The following CPE variants were observed in gnomAD, a reference collection of about 807,000 sequenced individuals.
CPE encodes the protein carboxypeptidase E, also known as carbocypeptidase E.
In CPE, 17 loss-of-function variants were observed where a neutral mutation model predicts 53.5. That is an observed-to-expected ratio of 0.32 (90% CI 0.22 to 0.48). The LOEUF is 0.48. CPE is among the 20% of genes least tolerant of loss of function. The pLI is 0.99. For missense variants in CPE, 524 were observed against 614.7 expected, an observed-to-expected ratio of 0.85 and a Z score of 1.56; for synonymous variants, 226 against 228.8, an observed-to-expected ratio of 0.99 and a Z score of 0.11.
chr4:165,462,265 G>A (rs1479215689), intron 1 of CPE, among the ~76,000 whole-genome samples: 1 of 152,186 alleles, frequency 6.6e-6, no homozygotes, highest in African/African-American at 2.4e-5. Flanking sequence ...AATATACTGT[G>A]CTAGCTAAAC....
chr4:165,438,419 G>C (rs1157677947), intron 1 of CPE, among the ~76,000 whole-genome samples: 1 of 152,162 alleles, frequency 6.6e-6, no homozygotes, highest in Non-Finnish European at 1.5e-5. Context: ...TGAGGAAAGA[G>C]TAGGGGAAAC....
intron 1 of CPE, chr4:165,414,948 T>C (rs1414628384): frequency 3.3e-5 from 5 of 152,020 alleles, no homozygotes; most frequent in African/African-American, 2.4e-5. Context: ...AAAAACAAAA[T>C]ATAATTAGCA....
chr4:165,423,450 G>T (rs2126674949), intron 1 of CPE, among the ~76,000 whole-genome samples: 1 of 151,788 alleles, frequency 6.6e-6, no homozygotes, highest in South Asian at 2.1e-4. Context: ...ATGGTTATTA[G>T]AGAATGTGAT....
rs11415472 is a variant in CPE at position 165,442,023 on chromosome 4, G to GTTTTTTTTTTTTTTT, written c.308-22355_308-22354insTTTTTTTTTTTTTTT. 3.6e-4 allele frequency among the ~76,000 whole-genome samples: 39 copies of GTTTTTTTTTTTTTTT among 107,372 alleles called. 1 individual carries two copies. The highest frequency in any genetic ancestry group is 5.8e-4 in the East Asian group (2 of 3,438). The allele number at this position is 107,372 out of a possible 152,430, so 70.4% of individuals were successfully genotyped here. On this transcript the variant is annotated intron_variant, in intron 1 of 8. Transcript: ENST00000402744. ...CTTCCTACAGCAAGACGGTGAGTTT[G>GTTTTTTTTTTTTTTT]TTTTTTTTTTTTGTTTTTTTTTTGT...
At chr4:165,470,988 A>C (rs1732196039) in intron 3 of CPE, among the ~76,000 whole-genome samples, 1 of 152,126 alleles carries the variant, frequency 6.6e-6, no homozygotes, top group Non-Finnish European at 1.5e-5. Context: ...GTGACTCTTG[A>C]ATACTGACAT....
At chr4:165,394,456 G>A (rs981968522) in intron 1 of CPE, among the ~76,000 whole-genome samples, 5 of 152,114 alleles carry the variant, frequency 3.3e-5, no homozygotes, top group Admixed American at 2.0e-4. Context: ...TGGGCCTCTG[G>A]GAAGGGTGTT....
At chr4:165,396,670 C>CAAAA (rs55987493) in intron 1 of CPE, among the ~76,000 whole-genome samples, 35 of 133,698 alleles carry the variant, frequency 2.6e-4, no homozygotes, top group African/African-American at 9.5e-4. Flanking sequence ...GATTCTGTCT[C>CAAAA]AAAAAAAAAA....
chr4:165,480,371 C>G (rs1027516499), intron 3 of CPE, among the ~76,000 whole-genome samples: 1 of 152,182 alleles, frequency 6.6e-6, no homozygotes, highest in Non-Finnish European at 1.5e-5. Context: ...CATTCAATTT[C>G]TAGGGATTTC....
In CPE at chr4:165,386,632, C is replaced by T. The variant is rs148785011; in HGVS notation, c.307+7104C>T. 7.0e-3 allele frequency among the ~76,000 whole-genome samples: 1,068 copies of T among 152,274 alleles called. 29 individuals carry two copies. The South Asian group carries it at 0.079, about 11-fold the overall frequency. The stretch of plus-strand genomic sequence containing the variant: ...TGTCTTTTCAAGTTTCAGTGCTGAA[C>T]TTGCTGTGTTTGTTGTCTCATATAA... On this transcript the variant is annotated intron_variant, in intron 1 of 8. Coordinates refer to ENST00000402744, the MANE Select transcript of CPE (RefSeq NM_001873.4).
Position 165,379,202 on chromosome 4 carries a change from G to T in CPE, c.-20G>T, listed in dbSNP as rs1446420218. 2.5e-6 allele frequency: 3 copies of T among 1,222,738 alleles called. No homozygotes were observed. Among genetic ancestry groups the T allele is most frequent in the African/African-American group, 3.1e-5 (2 of 63,682 alleles). The allele number at this position is 1,222,738 out of a possible 1,614,324, so 75.7% of individuals were successfully genotyped here. A position where few individuals can be genotyped will look rare whatever the true frequency, so the allele number is the denominator to read the frequency against. ...GCCGCCCGCGTAGGAAGGCACGGCC[G>T]GCGGCGGCGGAGCGCAGCGATGGCC... On this transcript the variant is annotated 5_prime_UTR_variant, in exon 1 of 9. Transcript: ENST00000402744. The surrounding 1 kb of genome is among the most constrained non-coding windows in gnomAD (Gnocchi z 6.0).
chr4:165,431,034 A>G (rs535380653), intron 1 of CPE, among the ~76,000 whole-genome samples: 4 of 152,216 alleles, frequency 2.6e-5, no homozygotes, highest in Non-Finnish European at 4.4e-5. Flanking sequence ...TACCTAAGAC[A>G]GTTCTTCAGC....
intron 2 of CPE, among the ~76,000 whole-genome samples, chr4:165,465,227 A>G (rs1305159351): frequency 6.6e-6 from 1 of 152,128 alleles, no homozygotes; most frequent in East Asian, 1.9e-4. Flanking sequence ...GCTGTTTTCT[A>G]CAGTTTAAAA....
At chr4:165,387,010 G>A (rs762647597) in intron 1 of CPE, among the ~76,000 whole-genome samples, 1 of 152,128 alleles carries the variant, frequency 6.6e-6, no homozygotes, top group Non-Finnish European at 1.5e-5. Context: ...TTGCCCTTTT[G>A]TTTCCTTCTC....
chr4:165,487,959 A>C (rs183180367), intron 6 of CPE, among the ~76,000 whole-genome samples: 1 of 152,248 alleles, frequency 6.6e-6, no homozygotes, highest in African/African-American at 2.4e-5. Context: ...TTTTAATCTT[A>C]GGGGCATGCA....
chr4:165,397,867 C>T (rs959413351), intron 1 of CPE, among the ~76,000 whole-genome samples: 5 of 149,920 alleles, frequency 3.3e-5, no homozygotes, highest in Admixed American at 1.3e-4. Flanking sequence ...ATAGCAAGAC[C>T]GTGTCTCTAC....
chr4:165,398,899 T>A (rs1458149394), intron 1 of CPE, among the ~76,000 whole-genome samples: 4 of 152,214 alleles, frequency 2.6e-5, no homozygotes, highest in Admixed American at 2.6e-4. Context: ...ACTGAGGTGT[T>A]AAAAATATGT....
chr4:165,409,005 C>G (rs561583049), intron 1 of CPE, among the ~76,000 whole-genome samples: 1 of 152,198 alleles, frequency 6.6e-6, no homozygotes, highest in African/African-American at 2.4e-5. Context: ...TTTACCTCCA[C>G]CTGGTGAAAT....
chr4:165,493,390 T>C, intron 7 of CPE, 120 bp downstream of exon 7: 1 of 700,330 alleles, frequency 1.4e-6, no homozygotes, highest in Non-Finnish European at 2.3e-6. Flanking sequence ...TCTACAGCGT[T>C]TCTCAGCTTT....
chr4:165,441,509 C>T (rs183183509), intron 1 of CPE, among the ~76,000 whole-genome samples: 66 of 152,260 alleles, frequency 4.3e-4, no homozygotes, highest in African/African-American at 1.5e-3. Context: ...TTCATAGACT[C>T]GCTAACCTTA....
Sources: gnomAD v4.1 joint callset for allele counts (sites outside exome capture counted in the v4.1 genomes callset) on GRCh38, gnomAD v4.1.1 for gene constraint, Gnocchi (gnomAD v3.1) non-coding constraint, MANE v1.5 for transcripts, NCBI Gene and HGNC (gene_info 2026-07-23, HGNC 2026-07-21) for gene names.